The following CPNE4 variants were observed in gnomAD, a reference collection of about 807,000 sequenced individuals.
The protein encoded by CPNE4 is copine-4.
In CPNE4, 25 loss-of-function variants were observed where a neutral mutation model predicts 67.9. The observed-to-expected ratio is 0.37, with a 90% CI of 0.27 to 0.51. The LOEUF (loss-of-function observed/expected upper bound fraction) is 0.51, where lower values mean the gene tolerates loss of function less well. CPNE4 is among the 20% of genes least tolerant of loss of function. The probability of loss-of-function intolerance (pLI) is 0.93; values close to 1 mark genes in which losing one functional copy is unlikely to be tolerated. For synonymous variants in CPNE4, 242 were observed against 244.9 expected (o/e 0.99, Z 0.11); for missense variants, 464 against 690.8 (o/e 0.67, Z 3.68).
chr3:131,998,004 C>T (rs1560758631), intron 1 of CPNE4, among the ~76,000 whole-genome samples: 1 of 152,142 alleles, frequency 6.6e-6, no homozygotes, highest in Non-Finnish European at 1.5e-5. Flanking sequence ...TAGGCCCCAC[C>T]TCCCAACACT....
chr3:131,989,493 G>A lies in CPNE4; in HGVS notation c.-2+45074C>T, dbSNP rs369521284. ...GCAGTAACAATGGCCAAAGAATTGCGCAAGTTTGGGAACCTGTAAACCAAG... is the reference window on the plus strand; with the variant it reads ...GCAGTAACAATGGCCAAAGAATTGCACAAGTTTGGGAACCTGTAAACCAAG... On this transcript the variant is annotated intron_variant, in intron 1 of 15. Transcript: ENST00000429747. 6.4e-4 allele frequency among the ~76,000 whole-genome samples: 56 copies of A among 87,880 alleles called. 12 individuals carry two copies. The South Asian group carries it at 0.017, about 27-fold the overall frequency. The allele number at this position is 87,880 out of a possible 152,430, so 57.7% of individuals were successfully genotyped here.
rs1027829948 is a variant in CPNE4 at position 131,747,384 on chromosome 3, C to G, written c.181-23759G>C. Among the ~76,000 whole-genome samples the G allele has an allele frequency of 9.9e-5, 15 of 152,004 alleles. 1 individual carries two copies. The highest frequency in any genetic ancestry group is 3.6e-4 in the African/African-American group (15 of 41,406). On this transcript the variant is annotated intron_variant, in intron 2 of 15. Transcript: ENST00000429747. ...ATGCAATGGAGTTTTTCCTTGATTT[C>G]CTCTAGTAGCTTTGTAGTTTCAGGT... is the stretch of plus-strand genomic sequence containing the variant.
At chr3:131,591,163 CAT>C (rs1938502631) in intron 7 of CPNE4, among the ~76,000 whole-genome samples, 1 of 152,140 alleles carries the variant, frequency 6.6e-6, no homozygotes, top group African/African-American at 2.4e-5. Flanking sequence ...TGGGCTTAGA[CAT>C]AGAAAGAGGA....
intron 7 of CPNE4, among the ~76,000 whole-genome samples, chr3:131,638,512 A>G (rs2079452494): frequency 1.3e-5 from 2 of 152,160 alleles, no homozygotes; most frequent in African/African-American, 2.4e-5. Context: ...GGAGCTCCCA[A>G]AGTTACAAAA....
chr3:131,703,680 G>C (rs1406192412), intron 3 of CPNE4, among the ~76,000 whole-genome samples: 1 of 152,168 alleles, frequency 6.6e-6, no homozygotes, highest in Non-Finnish European at 1.5e-5. Flanking sequence ...TGGAACTAGA[G>C]AGTCATTTTT....
chr3:131,781,743 T>G (rs1008946712), intron 2 of CPNE4, among the ~76,000 whole-genome samples: 2 of 152,164 alleles, frequency 1.3e-5, no homozygotes, highest in Non-Finnish European at 2.9e-5. Flanking sequence ...GGGTTTCTAA[T>G]TTAAGCCAGA....
intron 2 of CPNE4, among the ~76,000 whole-genome samples, chr3:131,767,952 T>G (rs1489677524): frequency 1.3e-5 from 2 of 152,230 alleles, no homozygotes. Context: ...TTTTGCCACT[T>G]CATTTTTCCA....
intron 1 of CPNE4, among the ~76,000 whole-genome samples, chr3:131,974,807 A>C (rs2072602141): frequency 6.6e-6 from 1 of 152,160 alleles, no homozygotes; most frequent in African/African-American, 2.4e-5. Flanking sequence ...CAGGAGTTCG[A>C]GACCAGCCTG....
At chr3:131,717,038 G>A (rs933424537) in intron 3 of CPNE4, among the ~76,000 whole-genome samples, 11 of 152,228 alleles carry the variant, frequency 7.2e-5, no homozygotes, top group African/African-American at 2.4e-4. Context: ...TTTAAAGAAG[G>A]AAAATGTTGA....
chr3:131,969,738 C>A (rs1252099813), intron 1 of CPNE4, among the ~76,000 whole-genome samples: 1 of 152,180 alleles, frequency 6.6e-6, no homozygotes, highest in Non-Finnish European at 1.5e-5. Context: ...ATTCTCTTCA[C>A]TGTCCTCTCT....
At position 131,534,584 on chromosome 3, in the gene CPNE4, A is replaced by G. The variant is rs1935034686; in HGVS notation, c.*611T>C. Reference sequence around the variant, plus strand: ...TTGTGTACACAGTATAAAGTATGAGAGGTGCTGGGCTAGATGACCCAGACT... The same window carrying G: ...TTGTGTACACAGTATAAAGTATGAGGGGTGCTGGGCTAGATGACCCAGACT... On this transcript the variant is annotated 3_prime_UTR_variant, in exon 16 of 16. Transcript: ENST00000429747. 6.6e-6 allele frequency: 1 copy of G among 152,234 alleles called. No individual in the cohort carries two copies. Among genetic ancestry groups the G allele is most frequent in the East Asian group, 1.9e-4 (1 of 5,200 alleles). The allele number at this position is 152,234 out of a possible 1,614,324, so 9.4% of individuals were successfully genotyped here.
chr3:131,583,888 G>A (rs551892904), intron 8 of CPNE4, among the ~76,000 whole-genome samples: 66 of 152,242 alleles, frequency 4.3e-4, no homozygotes, highest in African/African-American at 1.5e-3. Flanking sequence ...GGTCATACAG[G>A]TAGTAACTGG....
chr3:131,847,152 C>T (rs1463606103), intron 2 of CPNE4, among the ~76,000 whole-genome samples: 1 of 152,168 alleles, frequency 6.6e-6, no homozygotes, highest in Non-Finnish European at 1.5e-5. Flanking sequence ...CCTGCCATTC[C>T]TCTAGCAGAT....
chr3:131,963,294 C>T lies in CPNE4; in HGVS notation c.-1-57850G>A, dbSNP rs1422938503. Among the ~76,000 whole-genome samples, 3 of 152,128 alleles carry T rather than the reference C, an allele frequency of 2.0e-5. No individual in the cohort carries two copies. In the East Asian group the frequency reaches 5.8e-4, roughly 29 times the overall value. On this transcript the variant is annotated intron_variant, in intron 1 of 15. Transcript: ENST00000429747. ...CCTACACCACCAGGGCCCTGGGTTT[C>T]AAGCACAAAACTAGGCAGCTGTTTG...
intron 2 of CPNE4, among the ~76,000 whole-genome samples, chr3:131,893,271 T>C (rs1298655785): frequency 6.6e-6 from 1 of 151,976 alleles, no homozygotes; most frequent in Non-Finnish European, 1.5e-5. Context: ...CAACAAAGAA[T>C]ATAACAATTG....
intron 2 of CPNE4, among the ~76,000 whole-genome samples, chr3:131,843,284 T>C (rs928466937): frequency 4.6e-5 from 7 of 152,204 alleles, no homozygotes; most frequent in Non-Finnish European, 7.3e-5. Context: ...ATCTGCAAGT[T>C]ATTTGTGCAT....
chr3:131,917,658 T>C (rs965414846), intron 1 of CPNE4, among the ~76,000 whole-genome samples: 1 of 152,180 alleles, frequency 6.6e-6, no homozygotes, highest in Non-Finnish European at 1.5e-5. Context: ...GAAATGCATA[T>C]TCACTGAAGG....
At chr3:131,654,731 G>A (rs1689218918) in intron 7 of CPNE4, among the ~76,000 whole-genome samples, 1 of 152,212 alleles carries the variant, frequency 6.6e-6, no homozygotes, top group African/African-American at 2.4e-5. Flanking sequence ...AACAAAGAAG[G>A]AGAGAGTAAA....
intron 1 of CPNE4, among the ~76,000 whole-genome samples, chr3:131,906,650 CATT>C (rs927390452): frequency 5.9e-5 from 9 of 151,892 alleles, no homozygotes; most frequent in Non-Finnish European, 7.4e-5. Context: ...TCCAGTCTAT[CATT>C]GTTGGACATT....
Sources: gnomAD v4.1 joint callset for allele counts (sites outside exome capture counted in the v4.1 genomes callset) on GRCh38, gnomAD v4.1.1 for gene constraint, MANE v1.5 for transcripts, NCBI Gene and HGNC (gene_info 2026-07-23, HGNC 2026-07-21) for gene names.